The following GALNT8 variants were observed in gnomAD, a reference collection of about 807,000 sequenced individuals.
GALNT8 encodes the protein probable polypeptide N-acetylgalactosaminyltransferase 8.
A neutral mutation model predicts 62.7 loss-of-function variants in GALNT8; 66 were observed. That is an observed-to-expected ratio of 1.05 (90% CI 0.86 to 1.29). The LOEUF (loss-of-function observed/expected upper bound fraction) is 1.29, where lower values mean the gene tolerates loss of function less well. Ranked by LOEUF, GALNT8 falls within the 50% of genes most tolerant of loss-of-function variation. The pLI, the probability that GALNT8 is intolerant of heterozygous loss-of-function variation, is 0.00. For missense variants in GALNT8, 771 were observed against 791.8 expected (o/e 0.97, Z 0.32); for synonymous variants, 288 against 294.3 (o/e 0.98, Z 0.22).
intron 9 of GALNT8, among the ~76,000 whole-genome samples, chr12:4,765,000 C>G (rs1437203852): frequency 1.3e-5 from 2 of 152,050 alleles, no homozygotes; most frequent in Non-Finnish European, 2.9e-5. Flanking sequence ...CCTACTTGTC[C>G]AAGCTCACTG....
intron 6 of GALNT8, among the ~76,000 whole-genome samples, chr12:4,759,851 G>A (rs4766287): frequency 4.6e-5 from 7 of 152,046 alleles, no homozygotes; most frequent in East Asian, 1.9e-4. Flanking sequence ...ACATCACGTC[G>A]ATCCAATATG....
chr12:4,769,836 C>CT, intron 10 of GALNT8, among the ~76,000 whole-genome samples: 2 of 152,112 alleles, frequency 1.3e-5, no homozygotes, highest in Non-Finnish European at 2.9e-5. Flanking sequence ...CCCGCCTCAC[C>CT]TGCCAGCAGC....
chr12:4,741,895 G>A (rs1265702906), intron 3 of GALNT8, among the ~76,000 whole-genome samples: 1 of 152,216 alleles, frequency 6.6e-6, no homozygotes, highest in Non-Finnish European at 1.5e-5. Flanking sequence ...GAGAGTCTCT[G>A]TCATTAACCA....
In GALNT8 at chr12:4,739,143, A is replaced by T; in HGVS notation, c.510-20A>T. On this transcript the variant is annotated intron_variant, in intron 2 of 10. Coordinates refer to ENST00000252318, the MANE Select transcript of GALNT8 (RefSeq NM_017417.2). Reference sequence around the variant, plus strand: ...AGTAATTAAAAAAAAATAATATGTTATAAAAATGGTCTCTTATAGATGTCT... The same window carrying T: ...AGTAATTAAAAAAAAATAATATGTTTTAAAAATGGTCTCTTATAGATGTCT... 1.3e-6 allele frequency: 2 copies of T among 1,519,744 alleles called. No individual in the cohort carries two copies. Among genetic ancestry groups the T allele is most frequent in the Non-Finnish European group, 1.8e-6 (2 of 1,111,392 alleles). 94.1% of individuals were successfully genotyped at this position (1,519,744 alleles called of 1,614,324 possible).
In GALNT8 at chr12:4,757,953, C is replaced by T. The variant is rs558486993; in HGVS notation, c.1174-3005C>T. Among the ~76,000 whole-genome samples the T allele has an allele frequency of 6.6e-5, 10 of 152,282 alleles. No homozygotes were observed. The South Asian group carries it at 2.1e-3, about 32-fold the overall frequency. ...CAATTCTTCAACTTAAGACCCAAAG[C>T]CCTCATTATTTCTGAGTTCCTGATG... is the stretch of plus-strand genomic sequence containing the variant. On this transcript the variant is annotated intron_variant, in intron 6 of 10. Coordinates refer to ENST00000252318, the MANE Select transcript of GALNT8 (RefSeq NM_017417.2).
rs570383026 is a variant in GALNT8 at position 4,726,504 on chromosome 12, C to T, written c.212-28C>T. On this transcript the variant is annotated intron_variant, in intron 1 of 10. Transcript: ENST00000252318. The surrounding 1 kb of genome is among the most constrained non-coding windows in gnomAD (Gnocchi z 4.1). ...CTAAGGAGGGGCTGAAATGTTTTCTCTCCCACCCCTGTCCTCTTCATTTGC... is the reference window on the plus strand; with the variant it reads ...CTAAGGAGGGGCTGAAATGTTTTCTTTCCCACCCCTGTCCTCTTCATTTGC... 7.7e-6 allele frequency: 12 copies of T among 1,561,856 alleles called. No individual in the cohort carries two copies. In the African/African-American group the frequency reaches 8.2e-5, roughly 11 times the overall value.
intron 1 of GALNT8, among the ~76,000 whole-genome samples, chr12:4,722,033 C>G (rs1193635211): frequency 2.0e-5 from 3 of 152,126 alleles, no homozygotes; most frequent in Non-Finnish European, 1.5e-5. Flanking sequence ...AACCCTGAGT[C>G]GACACAGCAC....
chr12:4,739,919 G>A (rs1460688356), intron 3 of GALNT8, among the ~76,000 whole-genome samples: 7 of 151,966 alleles, frequency 4.6e-5, no homozygotes, highest in African/African-American at 1.2e-4. Context: ...CGCCCGCCTC[G>A]GCCTCTGAAA....
chr12:4,721,300 GAA>G (rs1235956951), intron 1 of GALNT8, among the ~76,000 whole-genome samples: 2 of 152,216 alleles, frequency 1.3e-5, no homozygotes, highest in East Asian at 3.9e-4. Flanking sequence ...CTTTGGAAGA[GAA>G]AAAGACACAG....
intron 10 of GALNT8, among the ~76,000 whole-genome samples, chr12:4,770,331 C>G (rs965611624): frequency 2.6e-4 from 39 of 148,518 alleles, no homozygotes; most frequent in Non-Finnish European, 4.2e-4. Context: ...AAAAAACAAA[C>G]AACAAAAAAA....
At chr12:4,728,600 C>T (rs544073365) in intron 2 of GALNT8, among the ~76,000 whole-genome samples, 16 of 152,174 alleles carry the variant, frequency 1.1e-4, no homozygotes, top group African/African-American at 3.4e-4. Context: ...ATCCTACTAC[C>T]TTGGTTGAAT....
chr12:4,727,945 G>C (rs1312802313), intron 2 of GALNT8, among the ~76,000 whole-genome samples: 4 of 152,122 alleles, frequency 2.6e-5, no homozygotes, highest in Non-Finnish European at 1.5e-5. Context: ...CTGCCAGGTG[G>C]TTTTCCAAAG....
At chr12:4,753,065 G>A (rs922913983) in intron 6 of GALNT8, among the ~76,000 whole-genome samples, 4 of 152,076 alleles carry the variant, frequency 2.6e-5, no homozygotes, top group African/African-American at 9.7e-5. Flanking sequence ...TGCATTGTAC[G>A]TTGTCCTCTT....
At chr12:4,764,698 C>T (rs1451717953) in intron 9 of GALNT8, among the ~76,000 whole-genome samples, 2 of 151,418 alleles carry the variant, frequency 1.3e-5, no homozygotes, top group Non-Finnish European at 2.9e-5. Context: ...CACCTGCCAC[C>T]ATGCCCGGCT....
Position 4,764,055 on chromosome 12 carries a change from C to T in GALNT8, c.1593+8C>T, listed in dbSNP as rs201099389. ...CATGAATTCAGCTCACAGGTATCTT[C>T]CACAATCTTCCTGGCCCTGCCTGGG... On this transcript the variant is annotated splice_region_variant and intron_variant, in intron 9 of 10. Transcript: ENST00000252318. 24 of 1,452,394 alleles carry T rather than the reference C, an allele frequency of 1.7e-5. No homozygotes were observed. Among genetic ancestry groups the T allele is most frequent in the South Asian group, 2.3e-5 (2 of 88,136 alleles). 90.0% of individuals were successfully genotyped at this position (1,452,394 alleles called of 1,614,324 possible).
rs780809250 is a variant in GALNT8, at chr12:4,745,552, C to T, written c.984C>T (p.Asn328=). 6.2e-7 allele frequency: 1 copy of T among 1,613,910 alleles called. No homozygotes were observed. Among genetic ancestry groups the T allele is most frequent in the Non-Finnish European group, 8.5e-7 (1 of 1,179,814 alleles). The change falls in exon 5 of 11, where the codon AAC becomes AAT. Residue 328 remains asparagine, a synonymous_variant. Transcript: ENST00000252318. ...ATGAACTGGCAGTTGATGGGTTTAA[C>T]TGGGAACTCTGGTGCCGCTACGATG... ...DKYELAVDGF[N]WELWCRYDAL... is the part of the protein sequence containing the mutation.
chr12:4,721,746 C>A (rs997684314), intron 1 of GALNT8, among the ~76,000 whole-genome samples: 3 of 152,120 alleles, frequency 2.0e-5, no homozygotes, highest in African/African-American at 7.2e-5. Flanking sequence ...GGCGTTCCTT[C>A]CTCTTTTACT....
intron 3 of GALNT8, among the ~76,000 whole-genome samples, chr12:4,743,220 G>A (rs1308423722): frequency 2.0e-5 from 3 of 152,142 alleles, no homozygotes; most frequent in South Asian, 2.1e-4. Flanking sequence ...TGTAGTGACT[G>A]AATTAGAATC....
In GALNT8 at chr12:4,745,200, G is replaced by A. The variant is rs528919231; in HGVS notation, c.861-229G>A. Among the ~76,000 whole-genome samples, 29 of 152,234 alleles carry A rather than the reference G, an allele frequency of 1.9e-4. No individual in the cohort carries two copies. In the South Asian group the frequency reaches 4.8e-3, roughly 25 times the overall value. ...ACAACGGCCTGGGGGTGTTACCTGG[G>A]TACTAATTTCAAACCTGTTCTCGAT... On this transcript the variant is annotated intron_variant, in intron 4 of 10. Coordinates refer to ENST00000252318, the MANE Select transcript of GALNT8 (RefSeq NM_017417.2).
Sources: allele counts gnomAD v4.1 joint callset (sites outside exome capture counted in the v4.1 genomes callset), GRCh38; gene constraint gnomAD v4.1.1; non-coding constraint Gnocchi (gnomAD v3.1); transcripts MANE v1.5; gene names NCBI Gene and HGNC (gene_info 2026-07-23, HGNC 2026-07-21).